Variants in GTF2A1L observed in about 807,000 individuals in gnomAD.
The protein encoded by GTF2A1L is TFIIA-alpha and beta-like factor.
GTF2A1L carries 48 observed loss-of-function variants against 49.7 expected under a neutral mutation model. That is an observed-to-expected ratio of 0.97 (90% CI 0.77 to 1.23). The LOEUF is 1.23. Among genes scored for constraint, GTF2A1L ranks in the 50% most tolerant of loss-of-function variants. The pLI, the probability that GTF2A1L is intolerant of heterozygous loss-of-function variation, is 0.00. For missense variants in GTF2A1L, 736 were observed against 564.8 expected, an observed-to-expected ratio of 1.30 and a Z score of -3.07; for synonymous variants, 246 against 193.5, an observed-to-expected ratio of 1.27 and a Z score of -2.25.
intron 6 of GTF2A1L, among the ~76,000 whole-genome samples, chr2:48,665,041 C>A (rs1365970603): frequency 1.3e-5 from 2 of 152,056 alleles, no homozygotes; most frequent in South Asian, 2.1e-4. Flanking sequence ...CGTGCCTCAG[C>A]CTCCCGACTA....
chr2:48,633,940 A>C (rs1036937325), intron 3 of GTF2A1L, among the ~76,000 whole-genome samples: 1 of 152,134 alleles, frequency 6.6e-6, no homozygotes, highest in Non-Finnish European at 1.5e-5. Flanking sequence ...TTATATAATA[A>C]TAGTGACCTC....
chr2:48,631,118 C>T (rs778405745), intron 3 of GTF2A1L, among the ~76,000 whole-genome samples: 10 of 151,924 alleles, frequency 6.6e-5, no homozygotes, highest in Non-Finnish European at 1.2e-4. Flanking sequence ...GGTATAAAGG[C>T]GACGCTGGCT....
chr2:48,638,200 G>C (rs1328552995), intron 3 of GTF2A1L, among the ~76,000 whole-genome samples: 1 of 152,096 alleles, frequency 6.6e-6, no homozygotes, highest in African/African-American at 2.4e-5. Context: ...AAAAAATTGA[G>C]GAGGAAGGAC....
At chr2:48,635,722 G>T (rs1479414133) in intron 3 of GTF2A1L, among the ~76,000 whole-genome samples, 1 of 152,048 alleles carries the variant, frequency 6.6e-6, no homozygotes, top group Non-Finnish European at 1.5e-5. Flanking sequence ...TCAGTCTGTG[G>T]CGCAAGAGTA....
At chr2:48,617,982 C>T (rs529259320) in intron 1 of GTF2A1L, 87 bp downstream of exon 1, 29 of 1,332,106 alleles carry the variant, frequency 2.2e-5, no homozygotes, top group East Asian at 2.5e-5. Flanking sequence ...TTGTTTCCCC[C>T]TGACACTTTA....
Position 48,625,499 on chromosome 2 carries a change from C to T in GTF2A1L, c.247+4209C>T, listed in dbSNP as rs746802370. ...ATATATGGTTTGCAAATATTTTCTC[C>T]GTATCTGTTGGCTGCTGTTTTATTT... On this transcript the variant is annotated intron_variant, in intron 3 of 8. Transcript: ENST00000403751. Among the ~76,000 whole-genome samples, 33 of 143,894 alleles carry T rather than the reference C, an allele frequency of 2.3e-4. 8 individuals carry two copies. The highest frequency in any genetic ancestry group is 4.1e-4 in the Non-Finnish European group (26 of 63,996). 94.4% of individuals were successfully genotyped at this position (143,894 alleles called of 152,430 possible).
rs776111836 is a variant in GTF2A1L, at chr2:48,670,027, C to T, written c.1239+45C>T. The T allele has an allele frequency of 7.7e-6, 12 of 1,556,246 alleles. No homozygotes were observed. In the East Asian group the frequency reaches 2.5e-4, roughly 32 times the overall value. On this transcript the variant is annotated intron_variant, in intron 7 of 8. Coordinates refer to ENST00000403751, the MANE Select transcript of GTF2A1L (RefSeq NM_006872.5). ...TGAGACTTCCTTTATTAATTTATAA[C>T]ATTTCTACTTTATTATGCCTTGGAA... is the stretch of plus-strand genomic sequence containing the variant.
At chr2:48,674,171 C>A (rs969001106) in intron 8 of GTF2A1L, among the ~76,000 whole-genome samples, 1 of 152,264 alleles carries the variant, frequency 6.6e-6, no homozygotes, top group Admixed American at 6.5e-5. Flanking sequence ...GCTTAAGGAA[C>A]TATTAGACTA....
chr2:48,676,429 A>G (rs999835289), intron 8 of GTF2A1L, among the ~76,000 whole-genome samples: 1 of 151,814 alleles, frequency 6.6e-6, no homozygotes, highest in African/African-American at 2.4e-5. Context: ...CTCTAAGAGC[A>G]TTTTGCCATT....
chr2:48,622,095 G>T (rs1262426734), intron 3 of GTF2A1L, among the ~76,000 whole-genome samples: 3 of 152,190 alleles, frequency 2.0e-5, no homozygotes, highest in Non-Finnish European at 2.9e-5. Context: ...TGGATTATCA[G>T]TAATAAGCAG....
Position 48,664,660 on chromosome 2 carries a change from T to A in GTF2A1L, c.979-5062T>A, listed in dbSNP as rs1318677334. Among the ~76,000 whole-genome samples, 13 of 152,322 alleles carry A rather than the reference T, an allele frequency of 8.5e-5. No homozygotes were observed. In the East Asian group the frequency reaches 2.5e-3, roughly 29 times the overall value. ...GAATTTTTCCTTGTGGGAAGGTTTT[T>A]AATGGAATTAAATTTCTTTAACTGA... On this transcript the variant is annotated intron_variant, in intron 6 of 8. Transcript: ENST00000403751.
intron 3 of GTF2A1L, among the ~76,000 whole-genome samples, chr2:48,631,458 G>T (rs1380548983): frequency 6.6e-6 from 1 of 151,976 alleles, no homozygotes; most frequent in Non-Finnish European, 1.5e-5. Context: ...TTCTGTGATT[G>T]GTTGTAATGT....
At chr2:48,669,055 A>G (rs1408845904) in intron 6 of GTF2A1L, among the ~76,000 whole-genome samples, 2 of 152,034 alleles carry the variant, frequency 1.3e-5, no homozygotes, top group Admixed American at 1.3e-4. Flanking sequence ...CATTTTACCC[A>G]TTTTTAGGTG....
intron 8 of GTF2A1L, 68 bp from the exon 9 acceptor site, chr2:48,679,267 A>G: frequency 6.4e-7 from 1 of 1,561,916 alleles, no homozygotes. Context: ...CATTTACTGT[A>G]GCAGAGAAAT....
chr2:48,659,921 C>G (rs1678391565), intron 6 of GTF2A1L, among the ~76,000 whole-genome samples: 1 of 152,122 alleles, frequency 6.6e-6, no homozygotes, highest in South Asian at 2.1e-4. Flanking sequence ...GGCATAACAT[C>G]TGTAAACAGA....
At chr2:48,645,739 C>G (rs770180240) in intron 5 of GTF2A1L, among the ~76,000 whole-genome samples, 20 of 152,210 alleles carry the variant, frequency 1.3e-4, no homozygotes, top group Non-Finnish European at 2.8e-4. Flanking sequence ...AGCTCCGCCT[C>G]CTGGGTTCAC....
At chr2:48,637,524 A>G (rs753959990) in intron 3 of GTF2A1L, among the ~76,000 whole-genome samples, 3 of 152,206 alleles carry the variant, frequency 2.0e-5, no homozygotes, top group Admixed American at 1.3e-4. Context: ...AAAAAGTTAG[A>G]GAGATCTCAA....
chr2:48,635,976 G>A (rs1225431499), intron 3 of GTF2A1L, among the ~76,000 whole-genome samples: 2 of 152,160 alleles, frequency 1.3e-5, no homozygotes, highest in African/African-American at 4.8e-5. Context: ...AGTCACTGAG[G>A]GAGGCTGTCT....
In GTF2A1L at chr2:48,679,452, G is replaced by A. The variant is rs368337857; in HGVS notation, c.*10G>A. ...TGATGCAGAGTGGTAAACCTTGTGAGCTCAGTACATCTATTTTGTGAACAT... is the reference window on the plus strand; with the variant it reads ...TGATGCAGAGTGGTAAACCTTGTGAACTCAGTACATCTATTTTGTGAACAT... On this transcript the variant is annotated 3_prime_UTR_variant, in exon 9 of 9. Transcript: ENST00000403751. The A allele has an allele frequency of 2.5e-6, 4 of 1,611,150 alleles. No homozygotes were observed. In the East Asian group the frequency reaches 6.7e-5, roughly 27 times the overall value.
Sources: gnomAD v4.1 joint callset for allele counts (sites outside exome capture counted in the v4.1 genomes callset) on GRCh38, gnomAD v4.1.1 for gene constraint, MANE v1.5 for transcripts, NCBI Gene and HGNC (gene_info 2026-07-23, HGNC 2026-07-21) for gene names.